The following PPP2R2B variants were observed in gnomAD, a reference collection of about 807,000 sequenced individuals.
PPP2R2B encodes serine/threonine-protein phosphatase 2A 55 kDa regulatory subunit B beta isoform.
A neutral mutation model predicts 46.0 loss-of-function variants in PPP2R2B; 5 were observed. That is an observed-to-expected ratio of 0.11 (90% CI 0.06 to 0.23). The LOEUF is 0.23. PPP2R2B is among the 10% of genes least tolerant of loss of function. The pLI, the probability that PPP2R2B is intolerant of heterozygous loss-of-function variation, is 1.00. For missense variants in PPP2R2B, 367 were observed against 575.0 expected (o/e 0.64, Z 3.70); for synonymous variants, 215 against 206.7 (o/e 1.04, Z -0.34).
At chr5:146,869,791 G>A (rs548841184) in intron 2 of PPP2R2B, among the ~76,000 whole-genome samples, 2 of 152,144 alleles carry the variant, frequency 1.3e-5, no homozygotes, top group Non-Finnish European at 2.9e-5. Flanking sequence ...TAAAGGCAGA[G>A]GGAAATGTGA....
intron 1 of PPP2R2B, among the ~76,000 whole-genome samples, chr5:146,937,355 T>C (rs1764186826): frequency 6.6e-6 from 1 of 151,904 alleles, no homozygotes; most frequent in African/African-American, 2.4e-5. Flanking sequence ...AGATAGGTAG[T>C]AAGTGGCAGA....
intron 2 of PPP2R2B, among the ~76,000 whole-genome samples, chr5:146,871,614 C>A (rs1161239854): frequency 1.3e-5 from 2 of 152,186 alleles, no homozygotes; most frequent in Admixed American, 6.5e-5. Flanking sequence ...GGCCCAGAGA[C>A]GTGCACTGCT....
At chr5:146,864,591 T>A (rs1368247264) in intron 2 of PPP2R2B, among the ~76,000 whole-genome samples, 2 of 152,052 alleles carry the variant, frequency 1.3e-5, no homozygotes, top group Non-Finnish European at 2.9e-5. Flanking sequence ...CTACAAATGA[T>A]GCCCTGGAAC....
chr5:146,894,285 C>T (rs1762578445), intron 1 of PPP2R2B, among the ~76,000 whole-genome samples: 1 of 152,138 alleles, frequency 6.6e-6, no homozygotes, highest in South Asian at 2.1e-4. Flanking sequence ...ATCCAAGGCC[C>T]TTAATACAAT....
chr5:147,068,578 A>C (rs961740340), intron 2 of PPP2R2B, among the ~76,000 whole-genome samples: 2 of 152,226 alleles, frequency 1.3e-5, no homozygotes, highest in Admixed American at 6.5e-5. Context: ...ACTGCTATTA[A>C]ATAGCAATAT....
chr5:146,903,526 G>A (rs1177620802), intron 1 of PPP2R2B, among the ~76,000 whole-genome samples: 1 of 151,604 alleles, frequency 6.6e-6, no homozygotes, highest in African/African-American at 2.4e-5. Context: ...CTCCTGAGTA[G>A]CCGGGACTAT....
At chr5:146,783,663 G>C (rs1329536183) in intron 2 of PPP2R2B, among the ~76,000 whole-genome samples, 1 of 152,180 alleles carries the variant, frequency 6.6e-6, no homozygotes, top group Non-Finnish European at 1.5e-5. Context: ...CTTGGAGGTG[G>C]ATGCTTGTCT....
intron 2 of PPP2R2B, among the ~76,000 whole-genome samples, chr5:146,707,814 T>A (rs1040995550): frequency 6.6e-6 from 1 of 152,206 alleles, no homozygotes; most frequent in Non-Finnish European, 1.5e-5. Context: ...TGACTACACA[T>A]ACCCACACAC....
chr5:146,976,722 A>G (rs1752925020), intron 1 of PPP2R2B, among the ~76,000 whole-genome samples: 1 of 152,124 alleles, frequency 6.6e-6, no homozygotes, highest in African/African-American at 2.4e-5. Context: ...GATTTATTTA[A>G]TGTAGGCTAA....
intron 5 of PPP2R2B, among the ~76,000 whole-genome samples, chr5:146,658,068 G>A (rs1389918646): frequency 6.6e-6 from 1 of 152,124 alleles, no homozygotes; most frequent in Admixed American, 6.6e-5. Context: ...GCTTAGAGGA[G>A]GTAGGCAATA....
chr5:146,758,989 T>C (rs1021653164), intron 2 of PPP2R2B, among the ~76,000 whole-genome samples: 1 of 152,204 alleles, frequency 6.6e-6, no homozygotes, highest in African/African-American at 2.4e-5. Context: ...TCAGTTCTCT[T>C]CTTAAGCCAT....
chr5:147,025,274 A>C (rs889085815), intron 1 of PPP2R2B, among the ~76,000 whole-genome samples: 1 of 152,020 alleles, frequency 6.6e-6, no homozygotes, highest in Non-Finnish European at 1.5e-5. Context: ...TCACATTTTT[A>C]ATAATAAAAA....
At chr5:147,030,289 TA>T (rs1343367449) in intron 1 of PPP2R2B, among the ~76,000 whole-genome samples, 2 of 152,198 alleles carry the variant, frequency 1.3e-5, no homozygotes, top group Non-Finnish European at 2.9e-5. Context: ...AAATGTTTTT[TA>T]TTATCATGTG....
At chr5:146,765,131 G>C (rs1436610307) in intron 2 of PPP2R2B, among the ~76,000 whole-genome samples, 1 of 152,088 alleles carries the variant, frequency 6.6e-6, no homozygotes, top group East Asian at 1.9e-4. Context: ...TTTCTTATAT[G>C]CTATAGAAAA....
At chr5:146,741,834 A>C (rs1375437631) in intron 2 of PPP2R2B, among the ~76,000 whole-genome samples, 1 of 152,222 alleles carries the variant, frequency 6.6e-6, no homozygotes, top group Non-Finnish European at 1.5e-5. Context: ...AGTACAGTAA[A>C]AATATTCTGG....
At chr5:146,839,107 CT>C (rs2151365550) in intron 2 of PPP2R2B, among the ~76,000 whole-genome samples, 1 of 152,324 alleles carries the variant, frequency 6.6e-6, no homozygotes, top group East Asian at 1.9e-4. Flanking sequence ...CCTAAATACT[CT>C]TCTTCATTCA....
In PPP2R2B at chr5:146,584,789, G is replaced by A. The variant is rs1387542681; in HGVS notation, c.*5158C>T. On this transcript the variant is annotated 3_prime_UTR_variant, in exon 10 of 10. Coordinates refer to ENST00000394411, the MANE Select transcript of PPP2R2B (RefSeq NM_181675.4). Reference sequence around the variant, plus strand: ...AACAAAAGGAAAAAGGGGTAGGCTAGTTCTAGTATGTCGAAAATGTGTTTC... The same window carrying A: ...AACAAAAGGAAAAAGGGGTAGGCTAATTCTAGTATGTCGAAAATGTGTTTC... 6.6e-6 allele frequency: 1 copy of A among 152,162 alleles called. No homozygotes were observed. The highest frequency in any genetic ancestry group is 1.9e-4 in the East Asian group (1 of 5,198). 9.4% of individuals were successfully genotyped at this position (152,162 alleles called of 1,614,324 possible).
chr5:146,895,314 C>T (rs1762611341), intron 1 of PPP2R2B, among the ~76,000 whole-genome samples: 1 of 152,212 alleles, frequency 6.6e-6, no homozygotes, highest in Non-Finnish European at 1.5e-5. Context: ...TGCCATACTG[C>T]TCTCATAGCA....
intron 2 of PPP2R2B, among the ~76,000 whole-genome samples, chr5:146,813,308 G>T (rs1757743163): frequency 6.6e-6 from 1 of 151,448 alleles, no homozygotes; most frequent in African/African-American, 2.4e-5. Context: ...CAACAATTTT[G>T]GAGTTACATT....
Sources: gnomAD v4.1 joint callset for allele counts (sites outside exome capture counted in the v4.1 genomes callset) on GRCh38, gnomAD v4.1.1 for gene constraint, MANE v1.5 for transcripts, NCBI Gene and HGNC (gene_info 2026-07-23, HGNC 2026-07-21) for gene names.